The following GARNL3 variants were observed in gnomAD, a reference collection of about 807,000 sequenced individuals.
The protein encoded by GARNL3 is GTPase-activating Rap/Ran-GAP domain-like protein 3.
A neutral mutation model predicts 125.0 loss-of-function variants in GARNL3; 63 were observed. The ratio of observed to expected loss-of-function variants is 0.50; its 90% CI spans 0.41 to 0.62. The LOEUF (loss-of-function observed/expected upper bound fraction) is 0.62. GARNL3 is among the 20% of genes least tolerant of loss of function. The probability of loss-of-function intolerance (pLI) is 0.00; values close to 1 mark genes in which losing one functional copy is unlikely to be tolerated. For synonymous variants in GARNL3, 439 were observed against 457.5 expected (o/e 0.96, Z 0.52); for missense variants, 994 against 1,244.0 (o/e 0.80, Z 3.02).
chr9:127,336,276 G>A, intron 11 of GARNL3, 40 bp downstream of exon 11: 1 of 1,430,460 alleles, frequency 7.0e-7, no homozygotes, highest in Non-Finnish European at 9.8e-7. Context: ...GTGGCAAGCT[G>A]TGGTTCAGCC....
chr9:127,317,812 C>T (rs988043062), intron 4 of GARNL3, among the ~76,000 whole-genome samples: 1 of 152,196 alleles, frequency 6.6e-6, no homozygotes, highest in Non-Finnish European at 1.5e-5. Flanking sequence ...TCCATAATAC[C>T]TAAGACACTG....
At chr9:127,224,687 T>A (rs1458146570) in intron 1 of GARNL3, 2 of 152,344 alleles carry the variant, frequency 1.3e-5, no homozygotes, top group African/African-American at 4.9e-5. Context: ...AAGCAGAGGT[T>A]TGGGGTGAGT....
At chr9:127,262,649 G>A (rs1189013671), upstream of GARNL3, among the ~76,000 whole-genome samples, 2 of 152,248 alleles carry the variant, frequency 1.3e-5, no homozygotes, top group African/African-American at 2.4e-5. Flanking sequence ...GGGAATAATG[G>A]CCAGCAGAGA....
rs148758376 is a variant in GARNL3, at chr9:127,392,738, C to G, written c.2871-345C>G. Among the ~76,000 whole-genome samples the G allele has an allele frequency of 3.9e-4, 59 of 152,348 alleles. No homozygotes were observed. Among genetic ancestry groups the G allele is most frequent in the African/African-American group, 1.3e-3 (54 of 41,578 alleles). On this transcript the variant is annotated intron_variant, in intron 27 of 27. Coordinates refer to ENST00000373387, the MANE Select transcript of GARNL3 (RefSeq NM_032293.5). The surrounding 1 kb of genome is among the most constrained non-coding windows in gnomAD (Gnocchi z 5.2). ...CCTGGGAGGCTGGAGGGATCACAGGCCTAGTCCCGGAACCTTGGCTATGAG... is the reference window on the plus strand; with the variant it reads ...CCTGGGAGGCTGGAGGGATCACAGGGCTAGTCCCGGAACCTTGGCTATGAG...
chr9:127,368,798 G>T (rs1267835988), intron 22 of GARNL3, among the ~76,000 whole-genome samples: 5 of 151,982 alleles, frequency 3.3e-5, no homozygotes, highest in African/African-American at 4.8e-5. Context: ...AGCCAGGAGT[G>T]GTGGTGCGCG....
intron 1 of GARNL3, among the ~76,000 whole-genome samples, chr9:127,230,992 G>A (rs7858480): frequency 1.5e-5 from 2 of 130,972 alleles, no homozygotes; most frequent in Non-Finnish European, 3.1e-5. Flanking sequence ...ACACATATAT[G>A]TATATATACA....
chr9:127,224,853 G>A (rs2062869045), intron 1 of GARNL3, among the ~76,000 whole-genome samples: 1 of 148,306 alleles, frequency 6.7e-6, no homozygotes, highest in Admixed American at 6.7e-5. Context: ...GGTGCAGAAA[G>A]CCGGCGGCAA....
intron 1 of GARNL3, among the ~76,000 whole-genome samples, chr9:127,231,045 TA>T (rs2062999093): frequency 2.1e-5 from 1 of 48,432 alleles, no homozygotes; most frequent in African/African-American, 1.1e-4. Context: ...CATATATATA[TA>T]TATATTTTTT....
At chr9:127,291,137 G>A (rs1298047852) in intron 1 of GARNL3, 31 bp from the exon 2 acceptor site, 1 of 1,603,040 alleles carries the variant, frequency 6.2e-7, no homozygotes, top group Non-Finnish European at 8.5e-7. Context: ...CATTGTAAAT[G>A]CTTCCTAATT....
intron 2 of GARNL3, among the ~76,000 whole-genome samples, chr9:127,302,576 A>AT (rs2064833308): frequency 6.6e-6 from 1 of 152,172 alleles, no homozygotes; most frequent in Admixed American, 6.5e-5. Flanking sequence ...ATATCATGCC[A>AT]TTTTTCTTAA....
At chr9:127,298,589 A>T (rs2064681897) in intron 2 of GARNL3, among the ~76,000 whole-genome samples, 1 of 152,140 alleles carries the variant, frequency 6.6e-6, no homozygotes, top group Admixed American at 6.5e-5. Flanking sequence ...ACCATTTTAT[A>T]CTTGTAATTT....
intron 3 of GARNL3, among the ~76,000 whole-genome samples, chr9:127,312,391 C>G (rs912539817): frequency 6.6e-6 from 1 of 152,070 alleles, no homozygotes; most frequent in African/African-American, 2.4e-5. Flanking sequence ...GAGTGCATAT[C>G]TAGTAGGTTT....
At chr9:127,388,185 A>G (rs1243348990) in intron 25 of GARNL3, among the ~76,000 whole-genome samples, 1 of 152,024 alleles carries the variant, frequency 6.6e-6, no homozygotes, top group African/African-American at 2.4e-5. Flanking sequence ...CTGTGGTGGC[A>G]TGCACCTGTG....
intron 2 of GARNL3, among the ~76,000 whole-genome samples, chr9:127,256,186 C>G (rs2063492465): frequency 6.6e-6 from 1 of 152,138 alleles, no homozygotes; most frequent in South Asian, 2.1e-4. Context: ...GCTGGAAAAC[C>G]CTCAAGTGTT....
intron 1 of GARNL3, among the ~76,000 whole-genome samples, chr9:127,231,002 ACATATGTG>A (rs2062991707): frequency 3.6e-5 from 5 of 138,408 alleles, no homozygotes; most frequent in South Asian, 2.2e-4. Context: ...GTATATATAC[ACATATGTG>A]TATATATACA....
At chr9:127,357,496 A>G in intron 21 of GARNL3, 119 bp downstream of exon 21, 1 of 939,558 alleles carries the variant, frequency 1.1e-6, no homozygotes, top group Non-Finnish European at 1.6e-6. Flanking sequence ...TCATCACATC[A>G]GTATTATGTG....
intron 22 of GARNL3, among the ~76,000 whole-genome samples, chr9:127,374,162 G>A (rs775081646): frequency 1.3e-5 from 2 of 152,068 alleles, no homozygotes; most frequent in Admixed American, 6.5e-5. Flanking sequence ...TTAGCCAGGC[G>A]TGGTGGCTCA....
intron 2 of GARNL3, among the ~76,000 whole-genome samples, chr9:127,306,599 C>T (rs972225998): frequency 8.6e-5 from 13 of 152,014 alleles, no homozygotes; most frequent in Admixed American, 4.6e-4. Context: ...TGGTGGCAGG[C>T]GCCTGTAGTC....
Position 127,258,616 on chromosome 9 carries a change from G to A in GARNL3, c.144-6336G>A, listed in dbSNP as rs1167272236. On this transcript the variant is annotated intron_variant, in intron 2 of 10. Transcript: ENST00000439286. The stretch of plus-strand genomic sequence containing the variant: ...ATGCTGCCACTGCACTCCATCCTGG[G>A]CCAAAGAGTGAGACCCTGTCTCAAA... Among the ~76,000 whole-genome samples the A allele has an allele frequency of 3.9e-5, 6 of 152,220 alleles. No homozygotes were observed. The South Asian group carries it at 1.2e-3, about 32-fold the overall frequency.
Sources: allele counts gnomAD v4.1 joint callset (sites outside exome capture counted in the v4.1 genomes callset), GRCh38; gene constraint gnomAD v4.1.1; non-coding constraint Gnocchi (gnomAD v3.1); transcripts MANE v1.5; gene names NCBI Gene and HGNC (gene_info 2026-07-23, HGNC 2026-07-21).